STAC: variants seen among roughly 807,000 people sequenced by gnomAD.
STAC encodes the protein SH3 and cysteine-rich domain-containing protein.
A neutral mutation model predicts 48.8 loss-of-function variants in STAC; 43 were observed. That is an observed-to-expected ratio of 0.88 (90% CI 0.69 to 1.14). The LOEUF (loss-of-function observed/expected upper bound fraction) is 1.14. Ranked by LOEUF, STAC falls within the 50% of genes most tolerant of loss-of-function variation. STAC has a pLI of 0.00. For synonymous variants in STAC, 193 were observed against 179.5 expected (o/e 1.07, Z -0.60); for missense variants, 497 against 504.0 (o/e 0.99, Z 0.13).
At chr3:36,433,736 T>C (rs1337597230) in intron 1 of STAC, among the ~76,000 whole-genome samples, 1 of 152,206 alleles carries the variant, frequency 6.6e-6, no homozygotes, top group South Asian at 2.1e-4. Context: ...ACTGAGCTCA[T>C]CCTCTATATT....
chr3:36,439,439 G>C (rs923963785), intron 1 of STAC, among the ~76,000 whole-genome samples: 1 of 152,112 alleles, frequency 6.6e-6, no homozygotes, highest in Non-Finnish European at 1.5e-5. Context: ...TTCTGATTTT[G>C]AGACATGAGT....
chr3:36,479,337 C>A (rs1410210327), intron 2 of STAC, among the ~76,000 whole-genome samples: 1 of 152,056 alleles, frequency 6.6e-6, no homozygotes, highest in East Asian at 1.9e-4. Flanking sequence ...CTGAGAAATT[C>A]AATCTTCCTA....
At chr3:36,490,018 C>T (rs1376835925) in intron 5 of STAC, among the ~76,000 whole-genome samples, 5 of 152,098 alleles carry the variant, frequency 3.3e-5, no homozygotes, top group Admixed American at 6.5e-5. Context: ...TTTTAAAAAC[C>T]CCTCCAGGTG....
intron 1 of STAC, among the ~76,000 whole-genome samples, chr3:36,382,358 G>A (rs1339021059): frequency 2.0e-5 from 3 of 152,186 alleles, no homozygotes; most frequent in Non-Finnish European, 4.4e-5. Context: ...CAGTGGCATG[G>A]TTCAAATGCA....
At position 36,466,859 on chromosome 3, in the gene STAC, T is replaced by C. The variant is rs1697191628; in HGVS notation, c.389-16133T>C. The stretch of plus-strand genomic sequence containing the variant: ...TTATTTCTTTCTCTTGTCTGATTGC[T>C]CTGGCTAGGTCTTCCACTACTATGT... On this transcript the variant is annotated intron_variant, in intron 2 of 10. Coordinates refer to ENST00000273183, the MANE Select transcript of STAC (RefSeq NM_003149.3). Among the ~76,000 whole-genome samples the C allele has an allele frequency of 2.0e-5, 3 of 152,164 alleles. No individual in the cohort carries two copies. In the South Asian group the frequency reaches 6.2e-4, roughly 32 times the overall value.
intron 10 of STAC, among the ~76,000 whole-genome samples, chr3:36,544,479 CATTT>C (rs141283454): frequency 7.9e-5 from 12 of 151,766 alleles, no homozygotes; most frequent in East Asian, 5.8e-4. Flanking sequence ...CAGGTGTCTG[CATTT>C]ATTTATTTAT....
intron 1 of STAC, among the ~76,000 whole-genome samples, chr3:36,416,693 T>C (rs1700328226): frequency 2.0e-5 from 3 of 152,260 alleles, no homozygotes; most frequent in African/African-American, 7.2e-5. Flanking sequence ...ATTATGCATA[T>C]ATTAAGTTTA....
At chr3:36,447,332 G>C (rs2125670741) in intron 2 of STAC, among the ~76,000 whole-genome samples, 1 of 152,190 alleles carries the variant, frequency 6.6e-6, no homozygotes, top group Non-Finnish European at 1.5e-5. Flanking sequence ...TGGTAAATAA[G>C]ATCAAGACAA....
Position 36,443,491 on chromosome 3 carries a change from G to A in STAC, c.239G>A (p.Ser80Asn), listed in dbSNP as rs1029206373. 5.0e-6 allele frequency: 8 copies of A among 1,614,076 alleles called. No homozygotes were observed. Among genetic ancestry groups the A allele is most frequent in the Non-Finnish European group, 6.8e-6 (8 of 1,180,030 alleles). Residue 80 changes from serine (S) to asparagine (N), a missense_variant, in exon 2 of 11, where the codon AGC (serine) becomes AAC (asparagine). Physicochemically the swap from Ser to Asn is conservative, Grantham distance 46 (BLOSUM62 1). Transcript: ENST00000273183. The surrounding 1 kb of genome is among the most constrained non-coding windows in gnomAD (Gnocchi z 4.2). ...KLQAHMVAEI[S>N]PSSSPLPAPG... ...CAAGCACACATGGTGGCTGAGATCAGCCCCAGCTCCAGCCCACTCCCTGCT... is the reference window on the plus strand; with the variant it reads ...CAAGCACACATGGTGGCTGAGATCAACCCCAGCTCCAGCCCACTCCCTGCT...
chr3:36,446,025 AG>A (rs1696500104), intron 2 of STAC, among the ~76,000 whole-genome samples: 1 of 152,198 alleles, frequency 6.6e-6, no homozygotes, highest in Non-Finnish European at 1.5e-5. Flanking sequence ...AAAGTAGACC[AG>A]GACCCCAGTC....
intron 5 of STAC, among the ~76,000 whole-genome samples, chr3:36,490,415 C>T (rs75912316): frequency 0.017 from 2,665 of 152,306 alleles, 22 homozygotes; most frequent in Non-Finnish European, 0.021. Context: ...ACAAACAAAA[C>T]TGGTCAGAGT....
rs751004980 is a variant in STAC, at chr3:36,484,989, C to T, written c.502C>T (p.Arg168Trp). The T allele has an allele frequency of 1.6e-5, 26 of 1,600,288 alleles. No homozygotes were observed. In the South Asian group the frequency reaches 1.9e-4, roughly 12 times the overall value. The change falls in exon 4 of 11, where the codon CGG (arginine) becomes TGG (tryptophan). Residue 168 changes from arginine (R) to tryptophan (W), a missense_variant. Transcript: ENST00000273183. ...RCMGKLPKGF[R>W]RYYSSPLLIH... ...ATTCTCTCTCCAGCCAAAGGGGTTT[C>T]GGCGTTACTACAGCTCCCCCTTGCT...
At chr3:36,536,209 C>T (rs1699194686) in intron 10 of STAC, among the ~76,000 whole-genome samples, 1 of 151,792 alleles carries the variant, frequency 6.6e-6, no homozygotes. Context: ...GGGTGTATGG[C>T]CATTGACATT....
rs1172006464 is a variant in STAC at position 36,398,700 on chromosome 3, AAGAAAGAAAGAG to A, written c.111+17958_111+17969del. On this transcript the variant is annotated intron_variant, in intron 1 of 10. Coordinates refer to ENST00000273183, the MANE Select transcript of STAC (RefSeq NM_003149.3). ...AAGAAAGAAAGAAAGAAAAGAAAGA[AAGAAAGAAAGAG>A]AGAAAGAAAGAAAAGAGAGAAGGAA... Among the ~76,000 whole-genome samples the A allele has an allele frequency of 2.0e-4, 31 of 151,866 alleles. 1 individual carries two copies. Among genetic ancestry groups the A allele is most frequent in the African/African-American group, 7.2e-4 (30 of 41,398 alleles).
intron 1 of STAC, among the ~76,000 whole-genome samples, chr3:36,424,146 C>T (rs1700511131): frequency 6.6e-6 from 1 of 152,096 alleles, no homozygotes; most frequent in South Asian, 2.1e-4. Flanking sequence ...CCCCCACTCA[C>T]TTAATTTAAC....
intron 1 of STAC, among the ~76,000 whole-genome samples, chr3:36,397,454 G>A (rs935612927): frequency 6.6e-6 from 1 of 152,028 alleles, no homozygotes; most frequent in African/African-American, 2.4e-5. Context: ...GCCATATTGG[G>A]CACTATCTCT....
chr3:36,529,141 G>C, intron 10 of STAC, 156 bp downstream of exon 10: 1 of 792,140 alleles, frequency 1.3e-6, no homozygotes, highest in Non-Finnish European at 1.8e-6. Context: ...AGTGTTGTAG[G>C]AGCTAAACAT....
chr3:36,418,331 T>C (rs1295930654), intron 1 of STAC, among the ~76,000 whole-genome samples: 2 of 152,226 alleles, frequency 1.3e-5, no homozygotes, highest in African/African-American at 4.8e-5. Context: ...TTTTCATAAC[T>C]ATTTTTTAAT....
At chr3:36,541,983 T>C (rs139469839) in intron 10 of STAC, among the ~76,000 whole-genome samples, 14 of 151,678 alleles carry the variant, frequency 9.2e-5, no homozygotes, top group Non-Finnish European at 5.9e-5. Flanking sequence ...AGTCTCTTTA[T>C]GTTAGAGAGA....
Sources: gnomAD v4.1 joint callset for allele counts (sites outside exome capture counted in the v4.1 genomes callset) on GRCh38, gnomAD v4.1.1 for gene constraint, Gnocchi (gnomAD v3.1) non-coding constraint, MANE v1.5 for transcripts, NCBI Gene and HGNC (gene_info 2026-07-23, HGNC 2026-07-21) for gene names.